Variants in DNAH10 observed in about 807,000 individuals in gnomAD.
DNAH10 encodes axonemal beta dynein heavy chain 10.
DNAH10 carries 348 observed loss-of-function variants against 506.6 expected under a neutral mutation model. The ratio of observed to expected loss-of-function variants is 0.69; its 90% CI spans 0.63 to 0.75. The LOEUF (loss-of-function observed/expected upper bound fraction) is 0.75, where lower values mean the gene tolerates loss of function less well. Among genes scored for constraint, DNAH10 ranks in the 30% least tolerant of loss-of-function variants. The pLI, the probability that DNAH10 is intolerant of heterozygous loss-of-function variation, is 0.00. For synonymous variants in DNAH10, 2,059 were observed against 2,198.6 expected (o/e 0.94, Z 1.78); for missense variants, 5,179 against 5,787.1 (o/e 0.89, Z 3.41).
chr12:123,797,092 G>C (rs571577795), intron 13 of DNAH10, among the ~76,000 whole-genome samples: 27 of 152,232 alleles, frequency 1.8e-4, no homozygotes, highest in African/African-American at 5.5e-4. Context: ...AGGATGGTCT[G>C]GATTTCCTGA....
chr12:123,887,291 C>T lies in DNAH10; in HGVS notation c.8973C>T (p.Leu2991=). 1 of 1,613,778 alleles carries T rather than the reference C, an allele frequency of 6.2e-7. No individual in the cohort carries two copies. The highest frequency in any genetic ancestry group is 8.5e-7 in the Non-Finnish European group (1 of 1,179,820). The change falls in exon 52 of 79, where the codon CTC becomes CTT. Residue 2991 remains leucine (L), a synonymous_variant. Coordinates refer to ENST00000673944, the MANE Select transcript of DNAH10 (RefSeq NM_001372106.1). Reference sequence around the variant, plus strand: ...TGGCTGAGGAGGGCTTCCTGGAGCTCATCAACAACATGCTGACCTCAGGTA... The same window carrying T: ...TGGCTGAGGAGGGCTTCCTGGAGCTTATCAACAACATGCTGACCTCAGGTA... ...AHVAEEGFLE[L]INNMLTSGIV...
intron 61 of DNAH10, 58 bp downstream of exon 61, chr12:123,914,608 G>A (rs79478560): frequency 0.37 from 570,512 of 1,542,718 alleles, 107,713 homozygotes; most frequent in African/African-American, 0.53. Flanking sequence ...GGGGGTCTAC[G>A]TGGGTGTCAC....
At chr12:123,809,101 C>G in intron 19 of DNAH10, 148 bp downstream of exon 19, 4 of 979,172 alleles carry the variant, frequency 4.1e-6, no homozygotes. Context: ...CCAGTTTTCC[C>G]CACTTCAGGA....
At position 123,853,256 on chromosome 12, in the gene DNAH10, G is replaced by A. The variant is rs1178040863; in HGVS notation, c.6342G>A (p.Leu2114=). ...TGTATAAGCTGGCCCGGGAGCAGCT[G>A]TCCAAGCAGTATCACTATGATTTTG... ...TVLYKLAREQ[L]SKQYHYDFGL... is the part of the protein sequence containing the mutation. The change falls in exon 36 of 79, where the codon CTG becomes CTA. Residue 2114 remains leucine, a synonymous_variant. Coordinates refer to ENST00000673944, the MANE Select transcript of DNAH10 (RefSeq NM_001372106.1). This position sits in a 1 kb window ranked among gnomAD's most constrained non-coding sequence, Gnocchi z 4.7. 1 of 1,611,336 alleles carries A rather than the reference G, an allele frequency of 6.2e-7. No individual in the cohort carries two copies. The highest frequency in any genetic ancestry group is 1.3e-5 in the African/African-American group (1 of 74,996).
rs1412793920 is a variant in DNAH10, at chr12:123,902,217, C to G, written c.9641-722C>G. 6.6e-6 allele frequency among the ~76,000 whole-genome samples: 1 copy of G among 152,184 alleles called. No homozygotes were observed. Among genetic ancestry groups the G allele is most frequent in the African/African-American group, 2.4e-5 (1 of 41,426 alleles). ...CCAGGCATTGGATTTAGGGCCCACC[C>G]TCACCCCGTATGACCTAATCTTAAC... On this transcript the variant is annotated intron_variant, in intron 56 of 78. Coordinates refer to ENST00000673944, the MANE Select transcript of DNAH10 (RefSeq NM_001372106.1). The surrounding 1 kb of genome is among the most constrained non-coding windows in gnomAD (Gnocchi z 4.5).
At chr12:123,770,516 G>A (rs988293709) in intron 2 of DNAH10, among the ~76,000 whole-genome samples, 2 of 136,112 alleles carry the variant, frequency 1.5e-5, no homozygotes, top group African/African-American at 2.8e-5. Context: ...TTTTACTGTA[G>A]TCTATTGCTA....
At chr12:123,842,027 A>G (rs1950793158) in intron 30 of DNAH10, among the ~76,000 whole-genome samples, 1 of 152,214 alleles carries the variant, frequency 6.6e-6, no homozygotes, top group South Asian at 2.1e-4. Context: ...ACAAGATAGC[A>G]GTCTTTCAAT....
chr12:123,801,550 G>C, intron 16 of DNAH10, 118 bp downstream of exon 16: 1 of 1,307,594 alleles, frequency 7.6e-7, no homozygotes, highest in Non-Finnish European at 1.0e-6. Flanking sequence ...CAATTTTTGA[G>C]GGTTAAGAAA....
At chr12:123,810,519 A>C (rs1958890544) in intron 19 of DNAH10, among the ~76,000 whole-genome samples, 1 of 152,100 alleles carries the variant, frequency 6.6e-6, no homozygotes, top group South Asian at 2.1e-4. Context: ...GTCTCTACTA[A>C]AAATACACAC....
At position 123,809,091 on chromosome 12, in the gene DNAH10, C is replaced by T. The variant is rs1024774851; in HGVS notation, c.3144+138C>T. ...TTCTGCCTTGTGACTCAGTCATCCC[C>T]CAGTTTTCCCCACTTCAGGAAATGG... is the stretch of plus-strand genomic sequence containing the variant. On this transcript the variant is annotated intron_variant, in intron 19 of 78. Coordinates refer to ENST00000673944, the MANE Select transcript of DNAH10 (RefSeq NM_001372106.1). The T allele has an allele frequency of 2.6e-5, 26 of 1,013,268 alleles. No homozygotes were observed. The Admixed American group carries it at 6.0e-4, about 24-fold the overall frequency. 62.8% of individuals were successfully genotyped at this position (1,013,268 alleles called of 1,614,324 possible). A position where few individuals can be genotyped will look rare whatever the true frequency, so the allele number is the denominator to read the frequency against.
At position 123,787,738 on chromosome 12, in the gene DNAH10, C is replaced by G; in HGVS notation, c.1422-66C>G. ...GCTTCACGGGACACTGGCTCCCCAG[C>G]CGGGGAGTGCGGCTCGGACCCGGAG... On this transcript the variant is annotated intron_variant, in intron 9 of 78. Transcript: ENST00000673944. The surrounding 1 kb of genome is among the most constrained non-coding windows in gnomAD (Gnocchi z 4.6). 1 of 1,558,042 alleles carries G rather than the reference C, an allele frequency of 6.4e-7. No individual in the cohort carries two copies.
At chr12:123,873,207 T>C (rs1952106273) in intron 45 of DNAH10, among the ~76,000 whole-genome samples, 2 of 152,232 alleles carry the variant, frequency 1.3e-5, no homozygotes, top group Admixed American at 1.3e-4. Flanking sequence ...GCCATTACGA[T>C]CGTCTTACAA....
chr12:123,914,376 T>G lies in DNAH10; in HGVS notation c.10400T>G (p.Leu3467Arg), dbSNP rs1324490059. The change falls in exon 61 of 79, where the codon CTG (leucine) becomes CGG (arginine). Residue 3467 changes from leucine (L) to arginine (R), a missense_variant. Physicochemically the swap from Leu to Arg is moderately radical, Grantham distance 102. Coordinates refer to ENST00000673944, the MANE Select transcript of DNAH10 (RefSeq NM_001372106.1). ...DELMHRRVKL[L>R]GDCLLCAAFL... ...CTGATGCACCGGCGCGTGAAGCTGC[T>G]GGGGGACTGCCTGCTCTGCGCGGCT... The G allele has an allele frequency of 1.2e-5, 19 of 1,613,426 alleles. No individual in the cohort carries two copies. The highest frequency in any genetic ancestry group is 1.6e-5 in the Non-Finnish European group (19 of 1,179,872).
Position 123,785,252 on chromosome 12 carries a change from C to T in DNAH10, c.1231-494C>T, listed in dbSNP as rs1008912475. 2.6e-5 allele frequency among the ~76,000 whole-genome samples: 4 copies of T among 152,170 alleles called. No individual in the cohort carries two copies. Among genetic ancestry groups the T allele is most frequent in the Non-Finnish European group, 5.9e-5 (4 of 68,034 alleles). On this transcript the variant is annotated intron_variant, in intron 8 of 78. Coordinates refer to ENST00000673944, the MANE Select transcript of DNAH10 (RefSeq NM_001372106.1). The surrounding 1 kb of genome is among the most constrained non-coding windows in gnomAD (Gnocchi z 4.1). ...CCGTATCTTCACCACCACTTGTTAT[C>T]GTCTTTCTGATAATAGCCATTGTGG...
rs757655859 is a variant in DNAH10 at position 123,875,258 on chromosome 12, A to C, written c.7966A>C (p.Ile2656Leu). The change falls in exon 47 of 79, where the codon ATT becomes CTT. Residue 2656 changes from isoleucine (I) to leucine (L), a missense_variant. This residue lies in a region of DNAH10 where 4,844 missense variants were observed against 5,430.5 expected (regional missense o/e 0.89). Coordinates refer to ENST00000673944, the MANE Select transcript of DNAH10 (RefSeq NM_001372106.1). ...GGATGAATATGGCACGCAGCAGCCCATTGCCTTGCTGAAGCTGCTGTTGGA... is the reference window on the plus strand; with the variant it reads ...GGATGAATATGGCACGCAGCAGCCCCTTGCCTTGCTGAAGCTGCTGTTGGA... Reference protein sequence around the residue: ...RVDEYGTQQPIALLKLLLEKG... With the variant: ...RVDEYGTQQPLALLKLLLEKG... The C allele has an allele frequency of 1.2e-6, 2 of 1,611,780 alleles. No homozygotes were observed. The highest frequency in any genetic ancestry group is 2.7e-5 in the African/African-American group (2 of 74,906).
intron 19 of DNAH10, among the ~76,000 whole-genome samples, chr12:123,810,902 T>C (rs895325189): frequency 2.0e-5 from 3 of 152,170 alleles, no homozygotes; most frequent in African/African-American, 7.2e-5. Context: ...ATCACAATAT[T>C]CCATGCCAAC....
chr12:123,864,982 T>C (rs1448909961), intron 40 of DNAH10, among the ~76,000 whole-genome samples: 2 of 152,250 alleles, frequency 1.3e-5, no homozygotes, highest in African/African-American at 2.4e-5. Context: ...CTTAGCATGA[T>C]ATTCTTCCTT....
rs775366865 is a variant in DNAH10 at position 123,903,064 on chromosome 12, G to T, written c.9766G>T (p.Ala3256Ser). The T allele has an allele frequency of 3.1e-6, 5 of 1,610,780 alleles. No individual in the cohort carries two copies. The highest frequency in any genetic ancestry group is 4.2e-6 in the Non-Finnish European group (5 of 1,178,574). ...AGAGGTCATGCCCATCCTGGAGGCCGCCAAGCTGGAACTGCAGAAGCTGGA... is the reference window on the plus strand; with the variant it reads ...AGAGGTCATGCCCATCCTGGAGGCCTCCAAGCTGGAACTGCAGAAGCTGGA... ...LAEVMPILEA[A>S]KLELQKLDKS... Residue 3256 changes from alanine to serine, a missense_variant, in exon 57 of 79, where the codon GCC (alanine) becomes TCC (serine). Coordinates refer to ENST00000673944, the MANE Select transcript of DNAH10 (RefSeq NM_001372106.1). This position sits in a 1 kb window ranked among gnomAD's most constrained non-coding sequence, Gnocchi z 4.6.
rs749599174 is a variant in DNAH10 at position 123,796,739 on chromosome 12, A to G, written c.2070A>G (p.Ile690Met). Residue 690 changes from isoleucine (I) to methionine (M), a missense_variant, in exon 13 of 79, where the codon ATA becomes ATG. Transcript: ENST00000673944. Reference sequence around the variant, plus strand: ...ATCACCCTCCAGTAGCAGGTGCAATATACTGGGAACGATCTCTGTTCTTTC... The same window carrying G: ...ATCACCCTCCAGTAGCAGGTGCAATGTACTGGGAACGATCTCTGTTCTTTC... ...YKNHPPVAGA[I>M]YWERSLFFRI... 30 of 1,614,014 alleles carry G rather than the reference A, an allele frequency of 1.9e-5. No homozygotes were observed. The highest frequency in any genetic ancestry group is 2.5e-5 in the Non-Finnish European group (30 of 1,179,894).
Sources: gnomAD v4.1 joint callset for allele counts (sites outside exome capture counted in the v4.1 genomes callset) on GRCh38, gnomAD v4.1.1 for gene constraint, gnomAD v4.1.1 regional missense constraint, Gnocchi (gnomAD v3.1) non-coding constraint, MANE v1.5 for transcripts, NCBI Gene and HGNC (gene_info 2026-07-23, HGNC 2026-07-21) for gene names.